Variants in C10orf67 observed in about 807,000 individuals in gnomAD.
The protein encoded by C10orf67 is chromosome 10 open reading frame 67.
In C10orf67, 60 loss-of-function variants were observed where a neutral mutation model predicts 35.6. The ratio of observed to expected loss-of-function variants is 1.68; its 90% confidence interval spans 1.37 to 2.09. The LOEUF is 2.09. Among genes scored for constraint, C10orf67 ranks in the 30% most tolerant of loss-of-function variants. The pLI, the probability that C10orf67 is intolerant of heterozygous loss-of-function variation, is 0.00. For missense variants in C10orf67, 474 were observed against 330.2 expected (o/e 1.44, Z -3.38); for synonymous variants, 167 against 115.8 (o/e 1.44, Z -2.84).
chr10:23,325,693 A>AAT (rs1845168739), intron 2 of C10orf67, among the ~76,000 whole-genome samples: 1 of 151,286 alleles, frequency 6.6e-6, no homozygotes, highest in Admixed American at 6.6e-5. Flanking sequence ...AAAAAAAAAA[A>AAT]CAGGAAAATG....
At chr10:23,253,691 A>C (rs929354018) in intron 10 of C10orf67, among the ~76,000 whole-genome samples, 1 of 152,214 alleles carries the variant, frequency 6.6e-6, no homozygotes, top group Non-Finnish European at 1.5e-5. Flanking sequence ...AAATTTATGT[A>C]CAGTAAAAAT....
At chr10:23,297,257 CTT>C (rs1843913454) in intron 5 of C10orf67, among the ~76,000 whole-genome samples, 2 of 129,680 alleles carry the variant, frequency 1.5e-5, no homozygotes, top group African/African-American at 5.8e-5. Context: ...CTTTCCTTTC[CTT>C]TCCTTTCCTT....
In C10orf67 at chr10:23,342,474, T is replaced by TAA. The variant is rs545358951; in HGVS notation, c.206+2094_206+2095insTT. On this transcript the variant is annotated intron_variant, in intron 1 of 15. Coordinates refer to ENST00000636213, the MANE Select transcript of C10orf67 (RefSeq NM_001371909.1). ...CACCAGCTCAGTCGCCCTAGTACTT[T>TAA]GGGTGAAGAGGAAGGAATATGGGCA... 2.5e-3 allele frequency among the ~76,000 whole-genome samples: 375 copies of TAA among 152,246 alleles called. 4 individuals are homozygous for TAA. The highest frequency in any genetic ancestry group is 8.4e-3 in the African/African-American group (350 of 41,532).
intron 15 of C10orf67, among the ~76,000 whole-genome samples, chr10:23,205,629 G>A (rs1018739266): frequency 1.3e-5 from 2 of 152,000 alleles, no homozygotes; most frequent in Admixed American, 6.6e-5. Flanking sequence ...CAGCAGACGA[G>A]GAATTTACCA....
At chr10:23,341,109 C>T (rs1845866226) in intron 1 of C10orf67, among the ~76,000 whole-genome samples, 2 of 152,208 alleles carry the variant, frequency 1.3e-5, no homozygotes, top group African/African-American at 4.8e-5. Context: ...TGCCCCATGG[C>T]TCATAAACTT....
At chr10:23,328,993 C>CAAAAAAAAAAAAAAAAAAGAAAGGAAAA (rs1845310437) in intron 2 of C10orf67, among the ~76,000 whole-genome samples, 1 of 78,732 alleles carries the variant, frequency 1.3e-5, no homozygotes, top group African/African-American at 4.9e-5. Flanking sequence ...CATAAACGAA[C>CAAAAAAAAAAAAAAAAAAGAAAGGAAAA]AAAAAAAAAA....
intron 5 of C10orf67, among the ~76,000 whole-genome samples, chr10:23,299,973 G>T (rs555153260): frequency 2.2e-5 from 3 of 137,132 alleles, no homozygotes; most frequent in Admixed American, 2.2e-4. Flanking sequence ...GCGAGACTCT[G>T]TCTCAAAAAA....
chr10:23,279,678 G>A (rs1369175083), intron 8 of C10orf67, among the ~76,000 whole-genome samples: 1 of 152,048 alleles, frequency 6.6e-6, no homozygotes, highest in Non-Finnish European at 1.5e-5. Context: ...TTCAAAATAA[G>A]TGAAAGCCAC....
At chr10:23,245,827 T>C (rs1256717479) in intron 12 of C10orf67, among the ~76,000 whole-genome samples, 1 of 152,208 alleles carries the variant, frequency 6.6e-6, no homozygotes. Context: ...GAACTACTCT[T>C]TGATCCAGCA....
chr10:23,254,686 A>G (rs1268434638), intron 10 of C10orf67, among the ~76,000 whole-genome samples: 1 of 152,198 alleles, frequency 6.6e-6, no homozygotes, highest in African/African-American at 2.4e-5. Context: ...AATTTAACAA[A>G]TATACTATTC....
At chr10:23,212,426 T>G (rs371794052) in intron 15 of C10orf67, among the ~76,000 whole-genome samples, 1 of 152,188 alleles carries the variant, frequency 6.6e-6, no homozygotes, top group East Asian at 1.9e-4. Context: ...TGGTCAAGAA[T>G]AAAGCTCATA....
downstream of C10orf67, chr10:23,202,307 C>G (rs192299739): frequency 2.6e-5 from 4 of 152,358 alleles, no homozygotes; most frequent in African/African-American, 9.6e-5. Context: ...TGCCAGTTGC[C>G]AGCTTTCTGA....
At chr10:23,335,357 T>C (rs1040908072) in intron 1 of C10orf67, among the ~76,000 whole-genome samples, 1 of 152,202 alleles carries the variant, frequency 6.6e-6, no homozygotes, top group Non-Finnish European at 1.5e-5. Context: ...TGACTGATAC[T>C]GTAGCTAAGT....
chr10:23,257,277 C>A (rs1005762502), intron 10 of C10orf67, among the ~76,000 whole-genome samples: 7 of 152,166 alleles, frequency 4.6e-5, no homozygotes, highest in African/African-American at 1.7e-4. Context: ...GAGCACACAA[C>A]ACTTCTGAAA....
intron 15 of C10orf67, among the ~76,000 whole-genome samples, chr10:23,205,771 A>G (rs924179940): frequency 2.0e-5 from 3 of 152,242 alleles, no homozygotes; most frequent in Admixed American, 1.3e-4. Flanking sequence ...TAACTCAGAA[A>G]CATTGCTTTT....
At chr10:23,257,699 A>T (rs1033708903) in intron 10 of C10orf67, among the ~76,000 whole-genome samples, 9 of 152,046 alleles carry the variant, frequency 5.9e-5, no homozygotes, top group Non-Finnish European at 1.0e-4. Context: ...GCTGCTTGGG[A>T]GGCTGAGGTG....
intron 2 of C10orf67, among the ~76,000 whole-genome samples, chr10:23,328,339 C>T (rs1409649863): frequency 2.6e-5 from 4 of 152,078 alleles, no homozygotes; most frequent in Admixed American, 6.5e-5. Context: ...GATACAGTTA[C>T]GGCCAAAGAA....
At chr10:23,275,416 C>T (rs11013362) in intron 8 of C10orf67, among the ~76,000 whole-genome samples, 26,896 of 152,108 alleles carry the variant, frequency 0.18, 2,650 homozygotes, top group Admixed American at 0.28. Flanking sequence ...CAAAACCCTT[C>T]GGGAAGAGAT....
At chr10:23,255,689 T>C (rs1464799071) in intron 10 of C10orf67, among the ~76,000 whole-genome samples, 2 of 152,130 alleles carry the variant, frequency 1.3e-5, no homozygotes, top group African/African-American at 4.8e-5. Context: ...ATGAAGCCAT[T>C]GTTTATAACC....
Sources: gnomAD v4.1 joint callset for allele counts (sites outside exome capture counted in the v4.1 genomes callset) on GRCh38, gnomAD v4.1.1 for gene constraint, MANE v1.5 for transcripts, NCBI Gene and HGNC (gene_info 2026-07-23, HGNC 2026-07-21) for gene names.